The following TRHDE variants were observed in gnomAD, a reference collection of about 807,000 sequenced individuals.
TRHDE encodes thyrotropin releasing hormone degrading enzyme, also known as thyrotropin-releasing hormone-degrading ectoenzyme.
In TRHDE, 72 loss-of-function variants were observed where a neutral mutation model predicts 125.7. That is an observed-to-expected ratio of 0.57 (90% CI 0.47 to 0.70). The LOEUF is 0.70. Among genes scored for constraint, TRHDE ranks in the 30% least tolerant of loss-of-function variants. TRHDE has a pLI of 0.00. For missense variants in TRHDE, 1,110 were observed against 1,327.1 expected (o/e 0.84, Z 2.54); for synonymous variants, 509 against 509.1 (o/e 1.00, Z 0.00).
At chr12:72,593,318 C>T (rs1162320448) in intron 12 of TRHDE, among the ~76,000 whole-genome samples, 1 of 152,120 alleles carries the variant, frequency 6.6e-6, no homozygotes, top group Non-Finnish European at 1.5e-5. Context: ...AACTTGTTTG[C>T]ACAACTTTCA....
chr12:72,595,237 C>T (rs1592561092), intron 12 of TRHDE, among the ~76,000 whole-genome samples: 1 of 147,802 alleles, frequency 6.8e-6, no homozygotes, highest in East Asian at 2.1e-4. Flanking sequence ...ACATTGTGCA[C>T]ATGTACCCTA....
intron 2 of TRHDE, among the ~76,000 whole-genome samples, chr12:72,187,846 T>C (rs1416309263): frequency 1.3e-5 from 2 of 152,220 alleles, no homozygotes; most frequent in African/African-American, 4.8e-5. Flanking sequence ...GTACTGCCTC[T>C]GACTGTTGTG....
chr12:72,436,028 G>A (rs1363980437), intron 3 of TRHDE, among the ~76,000 whole-genome samples: 7 of 151,904 alleles, frequency 4.6e-5, no homozygotes. Context: ...AAATATAAAC[G>A]ACAAAGCCTT....
chr12:72,227,026 A>G (rs182823814), intron 2 of TRHDE, among the ~76,000 whole-genome samples: 1 of 152,318 alleles, frequency 6.6e-6, no homozygotes, highest in Admixed American at 6.5e-5. Context: ...TCCATTGGGA[A>G]ATATTTCTTG....
intron 3 of TRHDE, among the ~76,000 whole-genome samples, chr12:72,421,818 C>T (rs1215322744): frequency 6.6e-6 from 1 of 152,132 alleles, no homozygotes; most frequent in Non-Finnish European, 1.5e-5. Context: ...TTAGACTCAT[C>T]TATGTTGGTA....
chr12:72,284,717 G>A (rs940694699), intron 1 of TRHDE, among the ~76,000 whole-genome samples: 10 of 152,178 alleles, frequency 6.6e-5, no homozygotes, highest in Non-Finnish European at 1.0e-4. Context: ...AGTTGTCTGT[G>A]TAACTTCAGA....
At chr12:72,553,243 T>TTATCA (rs1869759914) in intron 7 of TRHDE, among the ~76,000 whole-genome samples, 1 of 152,188 alleles carries the variant, frequency 6.6e-6, no homozygotes, top group Non-Finnish European at 1.5e-5. Flanking sequence ...GATATTCAGC[T>TTATCA]GTATGATTAC....
intron 8 of TRHDE, 89 bp from the exon 9 acceptor site, chr12:72,562,764 T>TAGTAAAAATAGA: frequency 1.2e-6 from 1 of 814,430 alleles, no homozygotes. Flanking sequence ...TTTAGGTAAA[T>TAGTAAAAATAGA]AGTAAAAATA....
At chr12:72,545,235 T>C (rs1208811338) in intron 7 of TRHDE, among the ~76,000 whole-genome samples, 1 of 151,496 alleles carries the variant, frequency 6.6e-6, no homozygotes, top group Non-Finnish European at 1.5e-5. Context: ...TCTACATGTC[T>C]ACTGTTCTAT....
intron 2 of TRHDE, among the ~76,000 whole-genome samples, chr12:72,179,772 A>G (rs1877058915): frequency 6.6e-6 from 1 of 152,156 alleles, no homozygotes; most frequent in Non-Finnish European, 1.5e-5. Flanking sequence ...GATTTTCTCT[A>G]CAGCAGCTAA....
chr12:72,169,899 C>A (rs1455452668), intron 2 of TRHDE, among the ~76,000 whole-genome samples: 1 of 152,056 alleles, frequency 6.6e-6, no homozygotes. Flanking sequence ...ATAATCACAG[C>A]TTTAGTGGAA....
At chr12:72,350,349 A>G (rs1380739537) in intron 2 of TRHDE, among the ~76,000 whole-genome samples, 2 of 152,048 alleles carry the variant, frequency 1.3e-5, no homozygotes, top group African/African-American at 4.8e-5. Context: ...AGTAATGGCG[A>G]TGATAGCTCC....
At chr12:72,500,323 T>A (rs1878093734) in intron 6 of TRHDE, among the ~76,000 whole-genome samples, 2 of 152,286 alleles carry the variant, frequency 1.3e-5, no homozygotes, top group East Asian at 3.9e-4. Flanking sequence ...CACTTAATAA[T>A]AGTTAAAATA....
intron 2 of TRHDE, among the ~76,000 whole-genome samples, chr12:72,356,875 C>T (rs543281703): frequency 4.6e-5 from 7 of 151,296 alleles, no homozygotes; most frequent in Non-Finnish European, 1.0e-4. Flanking sequence ...TACCTGTGAG[C>T]CAGAGATCAT....
At chr12:72,359,190 C>T (rs541215421) in intron 2 of TRHDE, among the ~76,000 whole-genome samples, 3 of 110,324 alleles carry the variant, frequency 2.7e-5, no homozygotes, top group African/African-American at 1.0e-4. Context: ...GAAAAAAAAA[C>T]ATATCTGAAG....
At chr12:72,093,075 CT>C (rs1438728312) in intron 1 of TRHDE, among the ~76,000 whole-genome samples, 8 of 152,154 alleles carry the variant, frequency 5.3e-5, no homozygotes, top group Non-Finnish European at 8.8e-5. Flanking sequence ...GTGCTTGATA[CT>C]TTATTGAAAA....
At chr12:72,293,750 G>A (rs1276473588) in intron 2 of TRHDE, among the ~76,000 whole-genome samples, 1 of 152,156 alleles carries the variant, frequency 6.6e-6, no homozygotes, top group Non-Finnish European at 1.5e-5. Context: ...TTCTGGCTGG[G>A]AACCTGTGGC....
intron 2 of TRHDE, among the ~76,000 whole-genome samples, chr12:72,142,909 C>T (rs148589690): frequency 0.012 from 1,826 of 152,184 alleles, 30 homozygotes; most frequent in African/African-American, 0.041. Flanking sequence ...CCGAGAGCCA[C>T]CTCACCACTC....
At chr12:72,358,747 C>T (rs775974345) in intron 2 of TRHDE, among the ~76,000 whole-genome samples, 1 of 151,556 alleles carries the variant, frequency 6.6e-6, no homozygotes, top group African/African-American at 2.4e-5. Context: ...ACGTGACCTA[C>T]CTCTGACAAT....
Sources: gnomAD v4.1 joint callset for allele counts (sites outside exome capture counted in the v4.1 genomes callset) on GRCh38, gnomAD v4.1.1 for gene constraint, MANE v1.5 for transcripts, NCBI Gene and HGNC (gene_info 2026-07-23, HGNC 2026-07-21) for gene names.